Variants in HIPK2 observed in about 807,000 individuals in gnomAD.
HIPK2 encodes the protein homeodomain-interacting protein kinase 2.
HIPK2 carries 27 observed loss-of-function variants against 113.7 expected under a neutral mutation model. The observed-to-expected ratio is 0.24, with a 90% CI of 0.17 to 0.33. The LOEUF (loss-of-function observed/expected upper bound fraction) is 0.33, where lower values mean the gene tolerates loss of function less well. Ranked by LOEUF, HIPK2 falls within the 10% of genes least tolerant of loss-of-function variation. The probability of loss-of-function intolerance (pLI) is 1.00; values close to 1 mark genes in which losing one functional copy is unlikely to be tolerated. For synonymous variants in HIPK2, 631 were observed against 642.2 expected, an observed-to-expected ratio of 0.98 and a Z score of 0.26; for missense variants, 1,257 against 1,588.0, an observed-to-expected ratio of 0.79 and a Z score of 3.54.
At chr7:139,594,977 T>C (rs1799151561) in intron 12 of HIPK2, among the ~76,000 whole-genome samples, 1 of 152,186 alleles carries the variant, frequency 6.6e-6, no homozygotes, top group Non-Finnish European at 1.5e-5. Flanking sequence ...GGCACGGACA[T>C]GCTCTGGCTT....
intron 2 of HIPK2, among the ~76,000 whole-genome samples, chr7:139,689,100 G>A (rs545297526): frequency 2.6e-5 from 4 of 152,280 alleles, no homozygotes; most frequent in Non-Finnish European, 4.4e-5. Flanking sequence ...TTGAATCTTC[G>A]TGCAGCCTGG....
intron 2 of HIPK2, among the ~76,000 whole-genome samples, chr7:139,695,211 C>T (rs1490789240): frequency 4.6e-5 from 7 of 152,352 alleles, no homozygotes; most frequent in African/African-American, 1.7e-4. Flanking sequence ...CTGCCAGCAG[C>T]CATAAGTGTT....
intron 6 of HIPK2, among the ~76,000 whole-genome samples, chr7:139,623,367 C>T (rs1407538001): frequency 2.6e-5 from 4 of 151,760 alleles, no homozygotes; most frequent in Admixed American, 6.6e-5. Flanking sequence ...AAAAATTAGT[C>T]GGGTGTGGTG....
intron 12 of HIPK2, among the ~76,000 whole-genome samples, chr7:139,589,201 G>A (rs1798935947): frequency 6.6e-6 from 1 of 152,112 alleles, no homozygotes; most frequent in African/African-American, 2.4e-5. Flanking sequence ...TTCATTGAGA[G>A]AGATTACTCA....
chr7:139,669,577 C>T (rs1306300953), intron 2 of HIPK2, among the ~76,000 whole-genome samples: 2 of 148,026 alleles, frequency 1.4e-5, no homozygotes, highest in Non-Finnish European at 3.0e-5. Flanking sequence ...GAGCATGAGA[C>T]CACATAAATG....
rs185076804 is a variant in HIPK2, at chr7:139,720,702, C to T, written c.20-3687G>A. Among the ~76,000 whole-genome samples the T allele has an allele frequency of 1.2e-4, 19 of 152,350 alleles. No homozygotes were observed. In the East Asian group the frequency reaches 3.7e-3, roughly 29 times the overall value. ...TACTTGGCTTTCAGTAACTTAGCCA[C>T]TGAAGAGTCAAAGCAAAACAGCCAT... On this transcript the variant is annotated intron_variant, in intron 1 of 14. Coordinates refer to ENST00000406875, the MANE Select transcript of HIPK2 (RefSeq NM_022740.5).
At position 139,633,095 on chromosome 7, in the gene HIPK2, CA is replaced by C. The variant is rs942820284; in HGVS notation, c.1104-1371del. Among the ~76,000 whole-genome samples, 223 of 74,630 alleles carry C rather than the reference CA, an allele frequency of 3.0e-3. 2 individuals are homozygous for C. In the East Asian group the frequency reaches 0.047, roughly 16 times the overall value. The allele number at this position is 74,630 out of a possible 152,430, so 49.0% of individuals were successfully genotyped here. On this transcript the variant is annotated intron_variant, in intron 2 of 14. Coordinates refer to ENST00000406875, the MANE Select transcript of HIPK2 (RefSeq NM_022740.5). ...TGGACGACAGAAATAGACCCTGTCT[CA>C]AAAAAAAAAAAAAAAAAAAAAAAGA...
intron 1 of HIPK2, chr7:139,777,226 G>A (rs1012455628): frequency 2.0e-5 from 3 of 151,276 alleles, no homozygotes; most frequent in Non-Finnish European, 2.9e-5. Flanking sequence ...GAAGTGGAAA[G>A]GAGGTGCTCC....
intron 2 of HIPK2, among the ~76,000 whole-genome samples, chr7:139,653,195 C>A (rs924403156): frequency 6.7e-6 from 1 of 149,504 alleles, no homozygotes; most frequent in East Asian, 2.0e-4. Flanking sequence ...GACACAAGGG[C>A]TAGGGCAGTA....
chr7:139,633,095 C>CAAAAAAAAAAAAA (rs942820284), intron 2 of HIPK2, among the ~76,000 whole-genome samples: 17 of 74,636 alleles, frequency 2.3e-4, no homozygotes, highest in African/African-American at 7.2e-4. Context: ...GACCCTGTCT[C>CAAAAAAAAAAAAA]AAAAAAAAAA....
intron 1 of HIPK2, among the ~76,000 whole-genome samples, chr7:139,763,067 G>T (rs1201742490): frequency 1.3e-5 from 2 of 152,194 alleles, no homozygotes; most frequent in Non-Finnish European, 2.9e-5. Flanking sequence ...GAAGACTGTT[G>T]TGTGGGAAAG....
At chr7:139,648,216 C>T (rs539747066) in intron 2 of HIPK2, among the ~76,000 whole-genome samples, 26 of 152,318 alleles carry the variant, frequency 1.7e-4, no homozygotes, top group Middle Eastern at 3.4e-3. Context: ...CCACATACCC[C>T]AAAGTTTCAA....
In HIPK2 at chr7:139,631,296, G is replaced by A. The variant is rs372779986; in HGVS notation, c.1228-12C>T. The A allele has an allele frequency of 4.0e-5, 64 of 1,605,194 alleles. No individual in the cohort carries two copies. The East Asian group carries it at 1.1e-3, about 28-fold the overall frequency. Reference sequence around the variant, plus strand: ...GAAATATACCGAATCTGCAAGAAAAGATAAGAATGAGGTCAGGGCTTTTCC... The same window carrying A: ...GAAATATACCGAATCTGCAAGAAAAAATAAGAATGAGGTCAGGGCTTTTCC... On this transcript the variant is annotated splice_polypyrimidine_tract_variant and intron_variant, in intron 3 of 14. Coordinates refer to ENST00000406875, the MANE Select transcript of HIPK2 (RefSeq NM_022740.5). This position sits in a 1 kb window ranked among gnomAD's most constrained non-coding sequence, Gnocchi z 4.9.
intron 12 of HIPK2, among the ~76,000 whole-genome samples, chr7:139,593,766 C>T (rs1296449209): frequency 6.6e-6 from 1 of 152,202 alleles, no homozygotes; most frequent in Non-Finnish European, 1.5e-5. Context: ...AACATGCCCA[C>T]AGCATGGAGA....
chr7:139,626,156 G>A (rs1800421541), intron 6 of HIPK2, among the ~76,000 whole-genome samples: 1 of 150,638 alleles, frequency 6.6e-6, no homozygotes, highest in Admixed American at 6.6e-5. Flanking sequence ...AGGCTGGAGT[G>A]CAATGGCGCG....
chr7:139,573,060 G>T lies in HIPK2; in HGVS notation c.3464C>A (p.Ser1155Ter). 1 of 1,612,168 alleles carries T rather than the reference G, an allele frequency of 6.2e-7. No homozygotes were observed. The highest frequency in any genetic ancestry group is 1.7e-4 in the Middle Eastern group (1 of 6,060). Residue 1155 changes from serine to a stop codon, truncating the protein, a stop_gained, in exon 15 of 15, where the codon TCG becomes TAG. Transcript: ENST00000406875. LOFTEE classifies it high-confidence loss of function. Reference sequence around the variant, plus strand: ...ATACTGACTCGGGTGGATGGTGGGCGAGGGCAGGACCCGGGGGCCCATGCT... The same window carrying T: ...ATACTGACTCGGGTGGATGGTGGGCTAGGGCAGGACCCGGGGGCCCATGCT... ...PVSMGPRVLP[S>*]PTIHPSQYPA...
At chr7:139,611,566 G>C (rs1019845769) in intron 9 of HIPK2, among the ~76,000 whole-genome samples, 4 of 151,824 alleles carry the variant, frequency 2.6e-5, no homozygotes, top group Non-Finnish European at 5.9e-5. Context: ...TTTACAGACA[G>C]GGTCGTACCC....
intron 14 of HIPK2, 101 bp from the exon 15 acceptor site, chr7:139,573,498 A>G: frequency 6.6e-6 from 7 of 1,067,702 alleles, no homozygotes; most frequent in Non-Finnish European, 9.5e-6. Flanking sequence ...GAGAAGGGAA[A>G]GACTCCAGAA....
At chr7:139,599,916 T>C (rs1459135193) in intron 11 of HIPK2, among the ~76,000 whole-genome samples, 1 of 152,110 alleles carries the variant, frequency 6.6e-6, no homozygotes, top group Non-Finnish European at 1.5e-5. Context: ...GCTAAGTCAG[T>C]TTAGCAAGAA....
Sources: allele counts gnomAD v4.1 joint callset (sites outside exome capture counted in the v4.1 genomes callset), GRCh38; gene constraint gnomAD v4.1.1; non-coding constraint Gnocchi (gnomAD v3.1); transcripts MANE v1.5; gene names NCBI Gene and HGNC (gene_info 2026-07-23, HGNC 2026-07-21).